The following SPRED1 variants were observed in gnomAD, a reference collection of about 807,000 sequenced individuals.
SPRED1 encodes the protein sprouty related EVH1 domain containing 1, also known as sprouty-related, EVH1 domain-containing protein 1.
SPRED1 carries 18 observed loss-of-function variants against 52.3 expected under a neutral mutation model. The ratio of observed to expected loss-of-function variants is 0.34; its 90% confidence interval spans 0.24 to 0.51. The LOEUF is 0.51. Among genes scored for constraint, SPRED1 ranks in the 20% least tolerant of loss-of-function variants. The probability of loss-of-function intolerance (pLI) is 0.97; values close to 1 mark genes in which losing one functional copy is unlikely to be tolerated. For missense variants in SPRED1, 485 were observed against 551.0 expected, an observed-to-expected ratio of 0.88 and a Z score of 1.20; for synonymous variants, 155 against 179.7, an observed-to-expected ratio of 0.86 and a Z score of 1.10.
chr15:38,342,219 G>A (rs1325715134), intron 5 of SPRED1, among the ~76,000 whole-genome samples: 1 of 150,714 alleles, frequency 6.6e-6, no homozygotes, highest in Non-Finnish European at 1.5e-5. Flanking sequence ...CCCTTTATTA[G>A]CTAATTAGTA....
chr15:38,308,404 T>C (rs964249175), intron 2 of SPRED1, among the ~76,000 whole-genome samples: 1 of 152,214 alleles, frequency 6.6e-6, no homozygotes, highest in African/African-American at 2.4e-5. Flanking sequence ...TTTAAGTCTG[T>C]ACAGTTTTAT....
At chr15:38,304,735 A>T (rs532130855) in intron 2 of SPRED1, among the ~76,000 whole-genome samples, 3 of 152,098 alleles carry the variant, frequency 2.0e-5, no homozygotes, top group Non-Finnish European at 4.4e-5. Context: ...TGTTACCCAG[A>T]ACTGTTCCAT....
chr15:38,288,247 C>G (rs1353252881), intron 1 of SPRED1, among the ~76,000 whole-genome samples: 2 of 152,112 alleles, frequency 1.3e-5, no homozygotes, highest in Non-Finnish European at 2.9e-5. Context: ...TGGAAATTTT[C>G]TACTTCAGGC....
chr15:38,300,735 G>A (rs1335375962), intron 2 of SPRED1, among the ~76,000 whole-genome samples: 1 of 152,104 alleles, frequency 6.6e-6, no homozygotes, highest in Non-Finnish European at 1.5e-5. Flanking sequence ...CCCGATTGAA[G>A]TCAAAAGTGA....
chr15:38,336,738 A>G (rs7359245), intron 4 of SPRED1, among the ~76,000 whole-genome samples: 30,624 of 151,738 alleles, frequency 0.2, 3,253 homozygotes, highest in Middle Eastern at 0.24. Flanking sequence ...GAGCTAAGCT[A>G]TGAGGTCACA....
intron 1 of SPRED1, among the ~76,000 whole-genome samples, chr15:38,282,105 A>G (rs8041038): frequency 0.83 from 125,568 of 152,160 alleles, 52,578 homozygotes; most frequent in Non-Finnish European, 0.9. Context: ...TATACTGTCC[A>G]TAATACTCCA....
Position 38,356,917 on chromosome 15 carries a change from G to A in SPRED1, c.*5253G>A, listed in dbSNP as rs1888634165. On this transcript the variant is annotated 3_prime_UTR_variant, in exon 7 of 7. Coordinates refer to ENST00000299084, the MANE Select transcript of SPRED1 (RefSeq NM_152594.3). ...TATAGTTTATTTGAAAAATCAAGGA[G>A]TAACTGTATCTTTACCATTAATTAT... 6.6e-6 allele frequency: 1 copy of A among 152,122 alleles called. No individual in the cohort carries two copies. The highest frequency in any genetic ancestry group is 1.5e-5 in the Non-Finnish European group (1 of 67,994). 9.4% of individuals were successfully genotyped at this position (152,122 alleles called of 1,614,324 possible).
At chr15:38,350,448 G>A (rs1888457360) in intron 6 of SPRED1, among the ~76,000 whole-genome samples, 1 of 152,128 alleles carries the variant, frequency 6.6e-6, no homozygotes, top group Non-Finnish European at 1.5e-5. Context: ...TCGCATTACT[G>A]GAGGTTAGGG....
At chr15:38,271,276 G>C (rs1368116947) in intron 1 of SPRED1, among the ~76,000 whole-genome samples, 1 of 152,174 alleles carries the variant, frequency 6.6e-6, no homozygotes, top group East Asian at 1.9e-4. Flanking sequence ...TATTTTAGTG[G>C]TAATTAAATG....
chr15:38,350,486 T>G (rs1243538598), intron 6 of SPRED1, among the ~76,000 whole-genome samples: 1 of 152,224 alleles, frequency 6.6e-6, no homozygotes, highest in Non-Finnish European at 1.5e-5. Flanking sequence ...GAAGAGGACA[T>G]AAGTCAGACC....
At chr15:38,294,177 C>T (rs1217095164) in intron 1 of SPRED1, among the ~76,000 whole-genome samples, 2 of 152,116 alleles carry the variant, frequency 1.3e-5, no homozygotes, top group Non-Finnish European at 2.9e-5. Flanking sequence ...TCTCTTCTAC[C>T]TAGTCTCTGT....
At chr15:38,260,967 G>A (rs1389497299) in intron 1 of SPRED1, among the ~76,000 whole-genome samples, 1 of 152,144 alleles carries the variant, frequency 6.6e-6, no homozygotes, top group Admixed American at 6.5e-5. Context: ...ACAAATAGTG[G>A]CTGCAAATTT....
chr15:38,288,509 G>C (rs1323279883), intron 1 of SPRED1, among the ~76,000 whole-genome samples: 1 of 152,178 alleles, frequency 6.6e-6, no homozygotes, highest in African/African-American at 2.4e-5. Flanking sequence ...GATGGATGCT[G>C]GTGCTACTCC....
chr15:38,301,649 G>C (rs941247984), intron 2 of SPRED1, among the ~76,000 whole-genome samples: 2 of 152,148 alleles, frequency 1.3e-5, no homozygotes, highest in Admixed American at 1.3e-4. Context: ...AGACAAATGA[G>C]ACGGTGATAT....
At chr15:38,289,879 T>A (rs1894885226) in intron 1 of SPRED1, among the ~76,000 whole-genome samples, 1 of 152,188 alleles carries the variant, frequency 6.6e-6, no homozygotes, top group Non-Finnish European at 1.5e-5. Context: ...TGTATAAATT[T>A]GTGTTGTTGT....
intron 5 of SPRED1, among the ~76,000 whole-genome samples, chr15:38,341,120 T>G (rs573345570): frequency 6.6e-6 from 1 of 151,796 alleles, no homozygotes; most frequent in Admixed American, 6.6e-5. Context: ...ACAGTAACTT[T>G]GTCTGTTTCA....
At chr15:38,312,075 A>C (rs1044980208) in intron 2 of SPRED1, among the ~76,000 whole-genome samples, 1 of 152,100 alleles carries the variant, frequency 6.6e-6, no homozygotes. Context: ...AACATTATTT[A>C]TTAAATTATT....
At chr15:38,321,069 C>G (rs1265784506) in intron 2 of SPRED1, among the ~76,000 whole-genome samples, 1 of 152,078 alleles carries the variant, frequency 6.6e-6, no homozygotes, top group East Asian at 1.9e-4. Context: ...ATGAGATCAC[C>G]ATACTGTGAT....
chr15:38,287,489 A>G (rs1015750641), intron 1 of SPRED1, among the ~76,000 whole-genome samples: 5 of 152,186 alleles, frequency 3.3e-5, no homozygotes, highest in Non-Finnish European at 5.9e-5. Context: ...TGGTCCATAT[A>G]TCCCATTACT....
Sources: allele counts gnomAD v4.1 joint callset (sites outside exome capture counted in the v4.1 genomes callset), GRCh38; gene constraint gnomAD v4.1.1; transcripts MANE v1.5; gene names NCBI Gene and HGNC (gene_info 2026-07-23, HGNC 2026-07-21).